Variants in SNRPD1 observed in about 807,000 individuals in gnomAD.
SNRPD1 encodes the protein small nuclear ribonucleoprotein D1 polypeptide.
Under a neutral mutation model 14.4 loss-of-function variants are expected in SNRPD1, and 1 was observed. That is an observed-to-expected ratio of 0.07 (90% CI 0.02 to 0.33). The LOEUF (loss-of-function observed/expected upper bound fraction) is 0.33. Among genes scored for constraint, SNRPD1 ranks in the 10% least tolerant of loss-of-function variants. The probability of loss-of-function intolerance (pLI) is 1.00; values close to 1 mark genes in which losing one functional copy is unlikely to be tolerated. For missense variants in SNRPD1, 52 were observed against 146.4 expected, an observed-to-expected ratio of 0.36 and a Z score of 3.33; for synonymous variants, 42 against 50.3, an observed-to-expected ratio of 0.83 and a Z score of 0.70.
At chr18:21,612,717 G>A (rs2038928194) in intron 1 of SNRPD1, among the ~76,000 whole-genome samples, 1 of 152,212 alleles carries the variant, frequency 6.6e-6, no homozygotes, top group Non-Finnish European at 1.5e-5. Context: ...GCGCCTCCTG[G>A]GACACATCTC....
At chr18:21,617,590 C>T (rs1285197495) in intron 1 of SNRPD1, among the ~76,000 whole-genome samples, 1 of 152,212 alleles carries the variant, frequency 6.6e-6, no homozygotes, top group Non-Finnish European at 1.5e-5. Flanking sequence ...TGGTACTCCA[C>T]TTCATTGATG....
At chr18:21,620,889 C>T (rs911481444) in intron 1 of SNRPD1, among the ~76,000 whole-genome samples, 6 of 152,016 alleles carry the variant, frequency 3.9e-5, no homozygotes, top group African/African-American at 1.4e-4. Flanking sequence ...TCAGGCAGGG[C>T]GCGGTGGCTC....
chr18:21,621,154 C>T (rs775085643), intron 1 of SNRPD1, among the ~76,000 whole-genome samples: 17 of 150,026 alleles, frequency 1.1e-4, no homozygotes, highest in Non-Finnish European at 2.2e-4. Context: ...GGTGACAGAG[C>T]GAGACTCTGT....
intron 1 of SNRPD1, among the ~76,000 whole-genome samples, chr18:21,614,139 G>T (rs1169088892): frequency 6.6e-6 from 1 of 151,996 alleles, no homozygotes; most frequent in African/African-American, 2.4e-5. Context: ...CGGGCATGGT[G>T]GCGGGCGCCT....
chr18:21,617,951 C>T (rs1442978011), intron 1 of SNRPD1, among the ~76,000 whole-genome samples: 1 of 152,200 alleles, frequency 6.6e-6, no homozygotes, highest in African/African-American at 2.4e-5. Flanking sequence ...CGCTATTGCA[C>T]TCCAGCCTGG....
chr18:21,626,727 A>G (rs1419041061), intron 3 of SNRPD1, among the ~76,000 whole-genome samples: 3 of 150,554 alleles, frequency 2.0e-5, no homozygotes, highest in Non-Finnish European at 4.4e-5. Context: ...CAGAGGTTGT[A>G]GTGACCCGAG....
Position 21,625,316 on chromosome 18 carries a change from ATTT to A in SNRPD1, c.283+1392_283+1394del, listed in dbSNP as rs144395165. ...TCTATTTAAAATTTTGTTGAAAAAA[ATTT>A]TTTTTTTTTTTTTTGAGATGGAGTT... is the stretch of plus-strand genomic sequence containing the variant. On this transcript the variant is annotated intron_variant, in intron 3 of 3. Transcript: ENST00000300413. 2.6e-4 allele frequency among the ~76,000 whole-genome samples: 28 copies of A among 109,100 alleles called. 2 individuals are homozygous for A. The South Asian group carries it at 5.3e-3, about 21-fold the overall frequency. The allele number at this position is 109,100 out of a possible 152,430, so 71.6% of individuals were successfully genotyped here.
chr18:21,620,778 C>A (rs2038991220), intron 1 of SNRPD1, among the ~76,000 whole-genome samples: 1 of 151,996 alleles, frequency 6.6e-6, no homozygotes, highest in African/African-American at 2.4e-5. Context: ...ACTGGCAAAC[C>A]AGTAGAAAAT....
chr18:21,615,391 A>G (rs2850558), intron 1 of SNRPD1, among the ~76,000 whole-genome samples: 78,518 of 151,970 alleles, frequency 0.52, 23,700 homozygotes, highest in African/African-American at 0.84. Context: ...CGAGGCGGGT[A>G]GATCACCTGA....
rs909595232 is a variant in SNRPD1, at chr18:21,633,360, T to C, written c.*4222T>C. On this transcript the variant is annotated 3_prime_UTR_variant, in exon 4 of 4. Coordinates refer to ENST00000300413, the MANE Select transcript of SNRPD1 (RefSeq NM_006938.4). ...AACATTTAATAACATACAGTTCTTG[T>C]TCCTGAAGACTTAACCTAGAAAATA... 15 of 152,318 alleles carry C rather than the reference T, an allele frequency of 9.8e-5. No individual in the cohort carries two copies. Among genetic ancestry groups the C allele is most frequent in the African/African-American group, 3.1e-4 (13 of 41,566 alleles). The allele number at this position is 152,318 out of a possible 1,614,324, so 9.4% of individuals were successfully genotyped here. A position where few individuals can be genotyped will look rare whatever the true frequency, so the allele number is the denominator to read the frequency against.
rs890118839 is a variant in SNRPD1 at position 21,623,673 on chromosome 18, A to G, written c.92-75A>G. On this transcript the variant is annotated intron_variant, in intron 2 of 3. Coordinates refer to ENST00000300413, the MANE Select transcript of SNRPD1 (RefSeq NM_006938.4). ...AGTAATCTTTTGTAGTCCAGTATTT[A>G]CTGTGGCTCAGTAGATTAATTAGTT... is the stretch of plus-strand genomic sequence containing the variant. 5.7e-6 allele frequency: 6 copies of G among 1,046,880 alleles called. No homozygotes were observed. The Admixed American group carries it at 6.9e-5, about 12-fold the overall frequency. 64.8% of individuals were successfully genotyped at this position (1,046,880 alleles called of 1,614,324 possible). A position where few individuals can be genotyped will look rare whatever the true frequency, so the allele number is the denominator to read the frequency against.
intron 1 of SNRPD1, among the ~76,000 whole-genome samples, chr18:21,616,564 G>A (rs1431058985): frequency 1.3e-5 from 2 of 150,540 alleles, no homozygotes; most frequent in African/African-American, 4.9e-5. Context: ...CACCATGTTG[G>A]TCAGGCTGGT....
chr18:21,623,126 C>T (rs2039010749), intron 2 of SNRPD1, among the ~76,000 whole-genome samples: 2 of 151,818 alleles, frequency 1.3e-5, no homozygotes, highest in South Asian at 4.2e-4. Flanking sequence ...CACTCTGTTA[C>T]CCAGGCTGGA....
intron 3 of SNRPD1, 84 bp from the exon 4 acceptor site, chr18:21,628,978 T>C (rs1289943879): frequency 1.0e-6 from 1 of 957,404 alleles, no homozygotes; most frequent in Non-Finnish European, 1.7e-6. Flanking sequence ...CAGGGAAAGG[T>C]GTGTGTGTAA....
rs539380986 is a variant in SNRPD1, at chr18:21,622,895, T to C, written c.91+94T>C. 3.9e-4 allele frequency: 231 copies of C among 598,356 alleles called. 1 individual carries two copies. The highest frequency in any genetic ancestry group is 3.7e-3 in the African/African-American group (190 of 51,820). 37.1% of individuals were successfully genotyped at this position (598,356 alleles called of 1,614,324 possible). ...TATTGCTTAATGAACATTATTGTAGTACAAATCCTTATTTTTTTTGTCTGA... is the reference window on the plus strand; with the variant it reads ...TATTGCTTAATGAACATTATTGTAGCACAAATCCTTATTTTTTTTGTCTGA... On this transcript the variant is annotated intron_variant, in intron 2 of 3. Transcript: ENST00000300413.
chr18:21,615,608 A>G (rs987924011), intron 1 of SNRPD1, among the ~76,000 whole-genome samples: 1 of 151,626 alleles, frequency 6.6e-6, no homozygotes, highest in Non-Finnish European at 1.5e-5. Context: ...ACAGAGCGAG[A>G]CTCCGTCTCA....
chr18:21,612,363 A>T lies in SNRPD1; in HGVS notation c.-67A>T. ...AGGCGCTTCCGGCCATTCATACTGC[A>T]GTCGGTCAGTGTTCGGTTGAAGGAT... On this transcript the variant is annotated 5_prime_UTR_variant, in exon 1 of 4. Coordinates refer to ENST00000300413, the MANE Select transcript of SNRPD1 (RefSeq NM_006938.4). The T allele has an allele frequency of 1.5e-6, 2 of 1,315,962 alleles. No homozygotes were observed. Among genetic ancestry groups the T allele is most frequent in the South Asian group, 3.0e-5 (2 of 66,638 alleles). 81.5% of individuals were successfully genotyped at this position (1,315,962 alleles called of 1,614,324 possible).
At chr18:21,624,106 C>G (rs537845470) in intron 3 of SNRPD1, among the ~76,000 whole-genome samples, 167 bp downstream of exon 3, 64 of 152,278 alleles carry the variant, frequency 4.2e-4, no homozygotes, top group African/African-American at 1.4e-3. Context: ...AGCAACCGGA[C>G]GCAGTGGCTC....
At chr18:21,619,474 A>C (rs2038981574) in intron 1 of SNRPD1, among the ~76,000 whole-genome samples, 1 of 146,566 alleles carries the variant, frequency 6.8e-6, no homozygotes. Flanking sequence ...GAGCCACCAC[A>C]CCTGGCGAAG....
Sources: gnomAD v4.1 joint callset for allele counts (sites outside exome capture counted in the v4.1 genomes callset) on GRCh38, gnomAD v4.1.1 for gene constraint, MANE v1.5 for transcripts, NCBI Gene and HGNC (gene_info 2026-07-23, HGNC 2026-07-21) for gene names.